Variants in LRRTM3 observed in about 807,000 individuals in gnomAD.
LRRTM3 encodes the protein leucine-rich repeat transmembrane neuronal protein 3.
A neutral mutation model predicts 44.7 loss-of-function variants in LRRTM3; 24 were observed. The observed-to-expected ratio is 0.54, with a 90% CI of 0.39 to 0.76. The LOEUF is 0.76. LRRTM3 is among the 30% of genes least tolerant of loss of function. The pLI is 0.00. For missense variants in LRRTM3, 587 were observed against 702.2 expected, an observed-to-expected ratio of 0.84 and a Z score of 1.85; for synonymous variants, 277 against 278.7, an observed-to-expected ratio of 0.99 and a Z score of 0.06.
chr10:67,063,783 G>A (rs1855901698), intron 2 of LRRTM3, among the ~76,000 whole-genome samples: 1 of 152,200 alleles, frequency 6.6e-6, no homozygotes, highest in Non-Finnish European at 1.5e-5. Context: ...TCTATTGAGA[G>A]GTGGCTTGGA....
chr10:67,077,153 G>A (rs1856786167), intron 2 of LRRTM3, among the ~76,000 whole-genome samples: 2 of 151,986 alleles, frequency 1.3e-5, no homozygotes, highest in South Asian at 4.2e-4. Flanking sequence ...GCCACTCCCT[G>A]CATCCACACT....
chr10:67,024,324 T>G (rs1853218047), intron 2 of LRRTM3, among the ~76,000 whole-genome samples: 1 of 152,208 alleles, frequency 6.6e-6, no homozygotes, highest in African/African-American at 2.4e-5. Flanking sequence ...TTTTTCTCTC[T>G]TACCATGACC....
chr10:66,940,346 A>T (rs965046600), intron 2 of LRRTM3, among the ~76,000 whole-genome samples: 13 of 152,110 alleles, frequency 8.5e-5, no homozygotes, highest in African/African-American at 2.7e-4. Context: ...ATGAAAAAAA[A>T]TTACCTGGGT....
intron 2 of LRRTM3, among the ~76,000 whole-genome samples, chr10:66,974,646 G>A (rs141380377): frequency 0.011 from 1,642 of 152,172 alleles, 23 homozygotes; most frequent in Non-Finnish European, 0.013. Flanking sequence ...AGTTTCATTG[G>A]TTCATATCAT....
At chr10:66,995,883 A>G (rs901275392) in intron 2 of LRRTM3, among the ~76,000 whole-genome samples, 3 of 152,194 alleles carry the variant, frequency 2.0e-5, no homozygotes, top group African/African-American at 7.2e-5. Context: ...TCATAAATCT[A>G]ATAAGAACTA....
chr10:66,942,876 T>G (rs964920418), intron 2 of LRRTM3, among the ~76,000 whole-genome samples: 3 of 152,214 alleles, frequency 2.0e-5, no homozygotes, highest in African/African-American at 7.2e-5. Flanking sequence ...GTCTGTGAAA[T>G]GATGGCTAAA....
At chr10:66,975,916 T>C (rs1057360849) in intron 2 of LRRTM3, among the ~76,000 whole-genome samples, 8 of 152,230 alleles carry the variant, frequency 5.3e-5, no homozygotes, top group African/African-American at 1.2e-4. Flanking sequence ...GGAAAATATA[T>C]AAAAGTCATT....
chr10:67,077,314 T>G (rs1346759028), intron 2 of LRRTM3, among the ~76,000 whole-genome samples: 1 of 152,172 alleles, frequency 6.6e-6, no homozygotes, highest in African/African-American at 2.4e-5. Context: ...CTTCATTGGC[T>G]TCCACTGGCT....
chr10:67,096,860 T>C (rs1858023182), intron 2 of LRRTM3, among the ~76,000 whole-genome samples: 1 of 151,906 alleles, frequency 6.6e-6, no homozygotes, highest in Non-Finnish European at 1.5e-5. Context: ...AGATTTTTCC[T>C]GGGAATTCTC....
chr10:66,973,735 T>C (rs1849861725), intron 2 of LRRTM3, among the ~76,000 whole-genome samples: 1 of 152,138 alleles, frequency 6.6e-6, no homozygotes, highest in Non-Finnish European at 1.5e-5. Flanking sequence ...GTGATTCTCC[T>C]GCTTCAGCCT....
intron 2 of LRRTM3, among the ~76,000 whole-genome samples, chr10:67,051,997 C>T (rs1420681000): frequency 2.1e-5 from 3 of 145,746 alleles, no homozygotes; most frequent in South Asian, 2.2e-4. Flanking sequence ...TCAGGTGACC[C>T]GCCCACCTCA....
chr10:67,024,045 T>G (rs1414701281), intron 2 of LRRTM3, among the ~76,000 whole-genome samples: 5 of 152,300 alleles, frequency 3.3e-5, no homozygotes, highest in South Asian at 2.1e-4. Context: ...CAACACAAGT[T>G]TATTATCTTC....
At position 66,927,734 on chromosome 10, in the gene LRRTM3, T is replaced by A. The variant is rs1298540926; in HGVS notation, c.818T>A (p.Val273Asp). 6.2e-7 allele frequency: 1 copy of A among 1,614,134 alleles called. No homozygotes were observed. The stretch of plus-strand genomic sequence containing the variant: ...ATCGAAGCTTTCAGTGGACCCAGTG[T>A]TTTCCAGTGTGTCCCGAATCTGCAG... The part of the protein sequence containing the change: ...NEIEAFSGPS[V>D]FQCVPNLQRL... The change falls in exon 2 of 3, where the codon GTT becomes GAT. Residue 273 changes from valine to aspartate, a missense_variant. By Grantham distance (152) the Val-to-Asp change is radical. Transcript: ENST00000361320. This position sits in a 1 kb window ranked among gnomAD's most constrained non-coding sequence, Gnocchi z 4.7.
intron 2 of LRRTM3, among the ~76,000 whole-genome samples, chr10:67,007,189 T>C (rs990246208): frequency 2.0e-5 from 3 of 152,214 alleles, no homozygotes; most frequent in Admixed American, 1.3e-4. Flanking sequence ...AACCAGATTT[T>C]ACCTTCAAAT....
At chr10:67,088,439 C>A (rs1170788926) in intron 2 of LRRTM3, among the ~76,000 whole-genome samples, 1 of 151,750 alleles carries the variant, frequency 6.6e-6, no homozygotes, top group Non-Finnish European at 1.5e-5. Context: ...AAAATATATT[C>A]AAAAGTGGCC....
chr10:67,079,858 AAC>A (rs199928311), intron 2 of LRRTM3, among the ~76,000 whole-genome samples: 11,881 of 140,950 alleles, frequency 0.084, 564 homozygotes, highest in Non-Finnish European at 0.11. Context: ...AAAAAAACAA[AAC>A]ACACACACAC....
chr10:66,928,548 C>A lies in LRRTM3; in HGVS notation c.1536+96C>A, dbSNP rs967047461. On this transcript the variant is annotated intron_variant, in intron 2 of 2. Transcript: ENST00000361320. ...ACTATCAAGGGAACGCGATGCCCCCCCTCCCCTTCCCTCTCCCTCTCACTT... is the reference window on the plus strand; with the variant it reads ...ACTATCAAGGGAACGCGATGCCCCCACTCCCCTTCCCTCTCCCTCTCACTT... 1.2e-5 allele frequency: 13 copies of A among 1,105,620 alleles called. No individual in the cohort carries two copies. The African/African-American group carries it at 1.4e-4, about 12-fold the overall frequency. The allele number at this position is 1,105,620 out of a possible 1,614,324, so 68.5% of individuals were successfully genotyped here.
At chr10:67,048,683 A>G (rs887645753) in intron 2 of LRRTM3, among the ~76,000 whole-genome samples, 1 of 152,138 alleles carries the variant, frequency 6.6e-6, no homozygotes, top group Non-Finnish European at 1.5e-5. Flanking sequence ...TAGCTCTCAC[A>G]GTAAATTTCC....
chr10:66,942,969 A>G (rs775316499), intron 2 of LRRTM3, among the ~76,000 whole-genome samples: 1 of 152,236 alleles, frequency 6.6e-6, no homozygotes, highest in African/African-American at 2.4e-5. Flanking sequence ...GTGCAGGCAC[A>G]TAGGTTGACT....
Sources: allele counts gnomAD v4.1 joint callset (sites outside exome capture counted in the v4.1 genomes callset), GRCh38; gene constraint gnomAD v4.1.1; non-coding constraint Gnocchi (gnomAD v3.1); transcripts MANE v1.5; gene names NCBI Gene and HGNC (gene_info 2026-07-23, HGNC 2026-07-21).